Variants in ZFYVE9 observed in about 807,000 individuals in gnomAD.
ZFYVE9 encodes zinc finger FYVE domain-containing protein 9.
In ZFYVE9, 43 loss-of-function variants were observed where a neutral mutation model predicts 126.7. The ratio of observed to expected loss-of-function variants is 0.34; its 90% confidence interval spans 0.27 to 0.44. The LOEUF is 0.44. Ranked by LOEUF, ZFYVE9 falls within the 20% of genes least tolerant of loss-of-function variation. The pLI is 1.00. For missense variants in ZFYVE9, 1,476 were observed against 1,697.0 expected (o/e 0.87, Z 2.29); for synonymous variants, 521 against 597.4 (o/e 0.87, Z 1.87).
rs374369171 is a variant in ZFYVE9 at position 52,161,064 on chromosome 1, T to C, written c.-143+18661T>C. The stretch of plus-strand genomic sequence containing the variant: ...TTTATTTTTTCAAATAAATTAACTT[T>C]TATTTGAAAGGAGACTACTTTTCCC... On this transcript the variant is annotated intron_variant, in intron 1 of 18. Coordinates refer to ENST00000287727, the MANE Select transcript of ZFYVE9 (RefSeq NM_004799.4). Among the ~76,000 whole-genome samples, 8 of 152,270 alleles carry C rather than the reference T, an allele frequency of 5.3e-5. No individual in the cohort carries two copies. In the East Asian group the frequency reaches 1.5e-3, roughly 29 times the overall value.
chr1:52,201,891 C>T (rs1183026258), intron 1 of ZFYVE9, among the ~76,000 whole-genome samples: 2 of 151,932 alleles, frequency 1.3e-5, no homozygotes, highest in East Asian at 3.9e-4. Context: ...TCAAGCAATT[C>T]TCATGCCTCA....
chr1:52,159,591 G>T (rs1644437139), intron 1 of ZFYVE9, among the ~76,000 whole-genome samples: 1 of 152,174 alleles, frequency 6.6e-6, no homozygotes. Context: ...AGTAGTCATT[G>T]GGTGGGGCTG....
intron 1 of ZFYVE9, among the ~76,000 whole-genome samples, chr1:52,170,583 G>A (rs1644558209): frequency 6.6e-6 from 1 of 151,942 alleles, no homozygotes; most frequent in Non-Finnish European, 1.5e-5. Context: ...TTATTTATTT[G>A]AAGGTTTTTC....
intron 1 of ZFYVE9, chr1:52,180,453 G>A: frequency 8.2e-7 from 1 of 1,226,746 alleles, no homozygotes; most frequent in Non-Finnish European, 1.2e-6. Context: ...AATTAAGAGG[G>A]ACCTGGAGGA....
chr1:52,248,413 G>A (rs1485033961), intron 4 of ZFYVE9, among the ~76,000 whole-genome samples: 1 of 152,202 alleles, frequency 6.6e-6, no homozygotes, highest in African/African-American at 2.4e-5. Flanking sequence ...TGCACTGGCA[G>A]CTGATTGTAT....
intron 1 of ZFYVE9, among the ~76,000 whole-genome samples, chr1:52,205,292 C>T (rs1644967560): frequency 6.6e-6 from 1 of 151,948 alleles, no homozygotes; most frequent in Admixed American, 6.6e-5. Context: ...CCAAGCTGAT[C>T]TTGAACTTCT....
intron 10 of ZFYVE9, among the ~76,000 whole-genome samples, chr1:52,283,712 C>A (rs1569666976): frequency 6.6e-6 from 1 of 152,202 alleles, no homozygotes; most frequent in East Asian, 1.9e-4. Flanking sequence ...GGTGGGGGTG[C>A]AGGTGCTAGA....
chr1:52,323,140 G>C (rs567244600), intron 13 of ZFYVE9, among the ~76,000 whole-genome samples: 1 of 152,216 alleles, frequency 6.6e-6, no homozygotes, highest in East Asian at 1.9e-4. Flanking sequence ...TTCCTTTTCT[G>C]TCACTCAGCT....
chr1:52,264,314 C>T (rs1208717637), intron 5 of ZFYVE9, among the ~76,000 whole-genome samples: 2 of 152,182 alleles, frequency 1.3e-5, no homozygotes, highest in Non-Finnish European at 2.9e-5. Context: ...TTTCATTCAT[C>T]TTGTTGAAGA....
intron 4 of ZFYVE9, among the ~76,000 whole-genome samples, chr1:52,260,831 G>C (rs1645572723): frequency 6.6e-6 from 1 of 151,948 alleles, no homozygotes; most frequent in South Asian, 2.1e-4. Flanking sequence ...AAAAAAAAAT[G>C]CTTAAGGGCT....
At chr1:52,193,393 C>CA (rs397863555) in intron 1 of ZFYVE9, among the ~76,000 whole-genome samples, 203 of 95,782 alleles carry the variant, frequency 2.1e-3, no homozygotes, top group Non-Finnish European at 3.3e-3. Context: ...TTGTCAGTAT[C>CA]AAAAAAAAAA....
chr1:52,239,097 A>G lies in ZFYVE9; in HGVS notation c.1680A>G (p.Gln560=), dbSNP rs373669433. ...GTCAAGTTCCATCAGTGCTTGGGCA[A>G]TCTTCCCCCAAGGTAGTAGCAAGCC... ...FCSQVPSVLG[Q]SSPKVVASLP... is the part of the protein sequence containing the mutation. Residue 560 remains glutamine, a synonymous_variant, in exon 4 of 19, where the codon CAA becomes CAG. Coordinates refer to ENST00000287727, the MANE Select transcript of ZFYVE9 (RefSeq NM_004799.4). 1.2e-6 allele frequency: 2 copies of G among 1,614,096 alleles called. No individual in the cohort carries two copies. Among genetic ancestry groups the G allele is most frequent in the South Asian group, 1.1e-5 (1 of 91,074 alleles).
rs1553135414 is a variant in ZFYVE9, at chr1:52,316,189, AAG to A, written c.3438+12266_3438+12267del. On this transcript the variant is annotated intron_variant, in intron 13 of 18. Transcript: ENST00000287727. ...TCAAAAAAAAAAAAAAAAAAAAAAA[AAG>A]AAAAGAAACCACAGCCGGGTGCAGT... Among the ~76,000 whole-genome samples, 9 of 146,606 alleles carry A rather than the reference AAG, an allele frequency of 6.1e-5. No individual in the cohort carries two copies. In the East Asian group the frequency reaches 1.0e-3, roughly 16 times the overall value.
intron 1 of ZFYVE9, among the ~76,000 whole-genome samples, chr1:52,153,567 T>C (rs752000422): frequency 6.6e-6 from 1 of 152,186 alleles, no homozygotes; most frequent in Non-Finnish European, 1.5e-5. Context: ...CCCACACATA[T>C]TCTTTCTTGT....
In ZFYVE9 at chr1:52,278,502, G is replaced by A. The variant is rs935578912; in HGVS notation, c.2757G>A (p.Val919=). 6.2e-7 allele frequency: 1 copy of A among 1,613,872 alleles called. No homozygotes were observed. The highest frequency in any genetic ancestry group is 1.3e-5 in the African/African-American group (1 of 74,910). The change falls in exon 9 of 19, where the codon GTG becomes GTA. Residue 919 remains valine, a synonymous_variant. Transcript: ENST00000287727. ...TTTCTCCCCTTTCAGACTATGCTGT[G>A]GAAGAGAAACCATCACAGATTTCAG... The part of the protein sequence containing the change: ...ISTGVKGDYA[V]EEKPSQISVM...
At chr1:52,199,523 T>G (rs1330022793) in intron 1 of ZFYVE9, among the ~76,000 whole-genome samples, 2 of 152,266 alleles carry the variant, frequency 1.3e-5, no homozygotes, top group African/African-American at 4.8e-5. Context: ...CTCACTTCTT[T>G]CTAGTGCTGA....
At chr1:52,169,979 G>A (rs940839969) in intron 1 of ZFYVE9, among the ~76,000 whole-genome samples, 3 of 152,120 alleles carry the variant, frequency 2.0e-5, no homozygotes, top group African/African-American at 2.4e-5. Flanking sequence ...AGTTACATAC[G>A]TTGGAACAGC....
At chr1:52,301,291 C>CTTTT (rs527599525) in intron 12 of ZFYVE9, among the ~76,000 whole-genome samples, 6 of 72,636 alleles carry the variant, frequency 8.3e-5, no homozygotes, top group East Asian at 4.0e-4. Flanking sequence ...CTTTTTCCAT[C>CTTTT]TTTTTTTTTT....
intron 10 of ZFYVE9, among the ~76,000 whole-genome samples, chr1:52,282,989 A>G (rs1023962643): frequency 6.6e-6 from 1 of 152,184 alleles, no homozygotes; most frequent in African/African-American, 2.4e-5. Context: ...TCTCTACAAT[A>G]ATTTAGGTGT....
Sources: gnomAD v4.1 joint callset for allele counts (sites outside exome capture counted in the v4.1 genomes callset) on GRCh38, gnomAD v4.1.1 for gene constraint, MANE v1.5 for transcripts, NCBI Gene and HGNC (gene_info 2026-07-23, HGNC 2026-07-21) for gene names.